The following CNTNAP3 variants were observed in gnomAD, a reference collection of about 807,000 sequenced individuals.
CNTNAP3 encodes contactin associated protein family member 3.
Under a neutral mutation model 92.1 loss-of-function variants are expected in CNTNAP3, and 36 were observed. That is an observed-to-expected ratio of 0.39 (90% CI 0.30 to 0.52). The LOEUF (loss-of-function observed/expected upper bound fraction) is 0.52. CNTNAP3 is among the 20% of genes least tolerant of loss of function. The pLI is 0.76. For missense variants in CNTNAP3, 534 were observed against 1,069.6 expected, an observed-to-expected ratio of 0.50 and a Z score of 6.98; for synonymous variants, 232 against 422.3, an observed-to-expected ratio of 0.55 and a Z score of 5.53.
chr9:39,134,587 G>C (rs1821383576), intron 12 of CNTNAP3, among the ~76,000 whole-genome samples: 1 of 152,040 alleles, frequency 6.6e-6, no homozygotes, highest in Non-Finnish European at 1.5e-5. Context: ...ACCACACCTG[G>C]CTAATTTTTG....
intron 15 of CNTNAP3, among the ~76,000 whole-genome samples, chr9:39,104,783 T>C (rs1370574620): frequency 6.6e-6 from 1 of 152,142 alleles, no homozygotes; most frequent in African/African-American, 2.4e-5. Context: ...TTGTGCATTT[T>C]TGTCAAAAAT....
At position 39,288,031 on chromosome 9, in the gene CNTNAP3, G is replaced by A. The variant is rs1244397262; in HGVS notation, c.34C>T (p.Leu12=). 2.1e-5 allele frequency: 9 copies of A among 418,884 alleles called. 1 individual carries two copies. In the African/African-American group the frequency reaches 2.2e-4, roughly 10 times the overall value. 25.9% of individuals were successfully genotyped at this position (418,884 alleles called of 1,614,324 possible). A position where few individuals can be genotyped will look rare whatever the true frequency, so the allele number is the denominator to read the frequency against. Residue 12 remains leucine, a synonymous_variant, in exon 1 of 24, where the codon CTG becomes TTG. Transcript: ENST00000297668. ...CAAGTCTGAGTGGGGAGAAGCAGCA[G>A]CACCTTGAGGACGGCCCAGGCCACT... is the stretch of plus-strand genomic sequence containing the variant. ...ASVAWAVLKV[L]LLLPTQTWSP... is the part of the protein sequence containing the mutation.
chr9:39,179,286 T>TACACATACACAC (rs1554652865), intron 4 of CNTNAP3, among the ~76,000 whole-genome samples: 1 of 80,756 alleles, frequency 1.2e-5, no homozygotes, highest in Non-Finnish European at 2.3e-5. Context: ...TCTCTCTCTC[T>TACACATACACAC]ACACACACAC....
chr9:39,130,067 G>T (rs569735454), intron 13 of CNTNAP3, among the ~76,000 whole-genome samples: 1 of 152,106 alleles, frequency 6.6e-6, no homozygotes, highest in Non-Finnish European at 1.5e-5. Context: ...AACCATTCTA[G>T]AAAACAATTT....
chr9:39,082,771 C>A (rs1231139928), intron 21 of CNTNAP3, among the ~76,000 whole-genome samples: 2 of 152,294 alleles, frequency 1.3e-5, no homozygotes, highest in South Asian at 2.1e-4. Context: ...GCAGTGGAAA[C>A]CTGGCCACAG....
intron 13 of CNTNAP3, among the ~76,000 whole-genome samples, chr9:39,128,250 G>A (rs1241660992): frequency 6.6e-6 from 1 of 151,674 alleles, no homozygotes; most frequent in Non-Finnish European, 1.5e-5. Context: ...TATGTAGGCA[G>A]TATTGTCCTG....
intron 17 of CNTNAP3, among the ~76,000 whole-genome samples, chr9:39,100,380 T>C (rs1826427754): frequency 6.6e-6 from 1 of 152,192 alleles, no homozygotes; most frequent in Admixed American, 6.5e-5. Context: ...GTCTGGCAAA[T>C]AGTCCTAAAA....
rs561100554 is a variant in CNTNAP3, at chr9:39,152,912, T to C, written c.1478-2935A>G. On this transcript the variant is annotated intron_variant, in intron 9 of 23. Transcript: ENST00000297668. ...TGATCTCCTGACCTCGTGATCCACCTGCCTCGGCCTCCCAAAGTGCTGGGA... is the reference window on the plus strand; with the variant it reads ...TGATCTCCTGACCTCGTGATCCACCCGCCTCGGCCTCCCAAAGTGCTGGGA... Among the ~76,000 whole-genome samples the C allele has an allele frequency of 1.5e-4, 17 of 109,778 alleles. No homozygotes were observed. In the South Asian group the frequency reaches 5.0e-3, roughly 32 times the overall value. 72.0% of individuals were successfully genotyped at this position (109,778 alleles called of 152,430 possible).
rs1825629788 is a variant in CNTNAP3 at position 39,071,245 on chromosome 9, CG to C, written c.*2644del. Among the ~76,000 whole-genome samples the C allele has an allele frequency of 6.7e-6, 1 of 149,606 alleles. No individual in the cohort carries two copies. Among genetic ancestry groups the C allele is most frequent in the Admixed American group, 6.6e-5 (1 of 15,158 alleles). On this transcript the variant is annotated 3_prime_UTR_variant, in exon 24 of 24. Transcript: ENST00000297668. ...TAATAGAGACAGAGTAATAGAGACACGGGGTAGAATATGTCACGTATCAGTA... is the reference window on the plus strand; with the variant it reads ...TAATAGAGACAGAGTAATAGAGACACGGGTAGAATATGTCACGTATCAGTA...
rs1451413594 is a variant in CNTNAP3, at chr9:39,133,129, G to A, written c.1883C>T (p.Ala628Val). The change falls in exon 13 of 24, where the codon GCC (alanine) becomes GTC (valine). Residue 628 changes from alanine to valine, a missense_variant. By Grantham distance (64) the Ala-to-Val change is moderately conservative. Coordinates refer to ENST00000297668, the MANE Select transcript of CNTNAP3 (RefSeq NM_033655.5). ...FLVYCNMTAD[A>V]AWTVVQHGGP... is the part of the protein sequence containing the mutation. ...ACCGTGCTGCACCACCGTCCACGCG[G>A]CGTCTGCTGAGCAGAAACGGGCAAA... 2 of 1,573,570 alleles carry A rather than the reference G, an allele frequency of 1.3e-6. No homozygotes were observed. Among genetic ancestry groups the A allele is most frequent in the African/African-American group, 2.7e-5 (2 of 74,696 alleles).
At chr9:39,130,120 C>CCCA (rs1484377885) in intron 13 of CNTNAP3, among the ~76,000 whole-genome samples, 1 of 152,092 alleles carries the variant, frequency 6.6e-6, no homozygotes, top group East Asian at 1.9e-4. Context: ...CCATATATGA[C>CCCA]CCACCAATTG....
chr9:39,126,860 T>C (rs1206095265), intron 13 of CNTNAP3, among the ~76,000 whole-genome samples: 1 of 151,962 alleles, frequency 6.6e-6, no homozygotes, highest in African/African-American at 2.4e-5. Flanking sequence ...GGACAAGAAG[T>C]CAGCAAGGAT....
Position 39,068,288 on chromosome 9 carries a change from T to C in CNTNAP3, c.*5602A>G, listed in dbSNP as rs1257505782. ...AAAATTAGCTGGGCATGTTGGCTTG[T>C]GCCTGTAGTCCCAGCTACTCGGGAG... On this transcript the variant is annotated 3_prime_UTR_variant, in exon 24 of 24. Transcript: ENST00000297668. 1.3e-5 allele frequency among the ~76,000 whole-genome samples: 2 copies of C among 151,566 alleles called. No homozygotes were observed. The highest frequency in any genetic ancestry group is 6.6e-5 in the Admixed American group (1 of 15,238).
chr9:39,286,546 T>C (rs1225293842), intron 1 of CNTNAP3, among the ~76,000 whole-genome samples: 2 of 47,018 alleles, frequency 4.3e-5, no homozygotes, highest in Admixed American at 2.4e-4. Context: ...CTCATTTATA[T>C]GTTTGTTTAA....
At position 39,148,650 on chromosome 9, in the gene CNTNAP3, C is replaced by A. The variant is rs190507762; in HGVS notation, c.1649+1156G>T. Reference sequence around the variant, plus strand: ...ACGCCATTCTCCTGCCTCAGCCTGCCGAGTAGCTGGAACTACAGGCGCCCG... The same window carrying A: ...ACGCCATTCTCCTGCCTCAGCCTGCAGAGTAGCTGGAACTACAGGCGCCCG... On this transcript the variant is annotated intron_variant, in intron 10 of 23. Transcript: ENST00000297668. 1.0e-3 allele frequency among the ~76,000 whole-genome samples: 158 copies of A among 151,934 alleles called. 1 individual carries two copies. Among genetic ancestry groups the A allele is most frequent in the Non-Finnish European group, 1.1e-3 (73 of 67,940 alleles).
Position 39,095,988 on chromosome 9 carries a change from C to G in CNTNAP3, c.2995+3923G>C, listed in dbSNP as rs1390162764. Among the ~76,000 whole-genome samples, 4 of 151,518 alleles carry G rather than the reference C, an allele frequency of 2.6e-5. No individual in the cohort carries two copies. The East Asian group carries it at 5.8e-4, about 22-fold the overall frequency. ...CTATAAACTCTCTTATTTACCATTT[C>G]TAGTTCTCTTTCTTTGTTCCTCTGA... On this transcript the variant is annotated intron_variant, in intron 18 of 23. Coordinates refer to ENST00000297668, the MANE Select transcript of CNTNAP3 (RefSeq NM_033655.5).
At chr9:39,074,612 T>C (rs1350373741) in intron 23 of CNTNAP3, among the ~76,000 whole-genome samples, 1 of 151,982 alleles carries the variant, frequency 6.6e-6, no homozygotes, top group Non-Finnish European at 1.5e-5. Context: ...TACATGTCTC[T>C]AAGACCGCGT....
rs1178994012 is a variant in CNTNAP3 at position 39,104,030 on chromosome 9, C to T, written c.2366-116G>A. ...AATACATTAATAGAATCTATATGAG[C>T]TTTCACTGGGGGTTCTGAGCATCCA... On this transcript the variant is annotated intron_variant, in intron 15 of 23. Transcript: ENST00000297668. The T allele has an allele frequency of 1.2e-5, 17 of 1,477,412 alleles. No individual in the cohort carries two copies. The East Asian group carries it at 3.6e-4, about 31-fold the overall frequency. 91.5% of individuals were successfully genotyped at this position (1,477,412 alleles called of 1,614,324 possible).
chr9:39,108,748 G>T (rs1826668026), intron 15 of CNTNAP3, among the ~76,000 whole-genome samples: 1 of 152,136 alleles, frequency 6.6e-6, no homozygotes, highest in African/African-American at 2.4e-5. Flanking sequence ...TCGGTGCCAT[G>T]TAATGTAAAA....
Sources: gnomAD v4.1 joint callset for allele counts (sites outside exome capture counted in the v4.1 genomes callset) on GRCh38, gnomAD v4.1.1 for gene constraint, MANE v1.5 for transcripts, NCBI Gene and HGNC (gene_info 2026-07-23, HGNC 2026-07-21) for gene names.